Variants in PZP observed in about 807,000 individuals in gnomAD.
PZP encodes the protein PZP alpha-2-macroglobulin like.
A neutral mutation model predicts 179.8 loss-of-function variants in PZP; 150 were observed. The observed-to-expected ratio is 0.83, with a 90% CI of 0.73 to 0.96. The LOEUF (loss-of-function observed/expected upper bound fraction) is 0.96. PZP is among the 40% of genes least tolerant of loss of function. The pLI is 0.00. For synonymous variants in PZP, 624 were observed against 652.3 expected (o/e 0.96, Z 0.66); for missense variants, 1,689 against 1,764.0 (o/e 0.96, Z 0.76).
At chr12:9,176,310 G>T (rs1942359064) in intron 15 of PZP, among the ~76,000 whole-genome samples, 1 of 152,144 alleles carries the variant, frequency 6.6e-6, no homozygotes. Context: ...GGTAGGGTGT[G>T]GGGAGGGAGA....
intron 13 of PZP, among the ~76,000 whole-genome samples, chr12:9,186,313 G>T (rs1203873730): frequency 6.6e-6 from 1 of 152,166 alleles, no homozygotes; most frequent in East Asian, 1.9e-4. Flanking sequence ...CCACACTGAA[G>T]TACACAGACC....
chr12:9,161,872 C>T (rs1245948857), intron 22 of PZP, among the ~76,000 whole-genome samples: 1 of 152,088 alleles, frequency 6.6e-6, no homozygotes, highest in Non-Finnish European at 1.5e-5. Flanking sequence ...GTAGGAAATG[C>T]TATATGTTTT....
intron 15 of PZP, among the ~76,000 whole-genome samples, chr12:9,179,433 G>A (rs1942611693): frequency 6.6e-6 from 1 of 152,122 alleles, no homozygotes; most frequent in Non-Finnish European, 1.5e-5. Context: ...ATCACGACAT[G>A]CCAAGTGTCA....
chr12:9,186,689 A>C (rs2121039848), intron 13 of PZP, among the ~76,000 whole-genome samples: 1 of 152,308 alleles, frequency 6.6e-6, no homozygotes, highest in South Asian at 2.1e-4. Context: ...GGATGAGTTC[A>C]TGTCCTTTCC....
chr12:9,142,565 AT>A, the PZP span, among the ~76,000 whole-genome samples: 1 of 152,204 alleles, frequency 6.6e-6, no homozygotes, highest in African/African-American at 2.4e-5. Flanking sequence ...AAAATATTTG[AT>A]TTAAGCACTT....
intron 1 of PZP, among the ~76,000 whole-genome samples, chr12:9,207,613 C>A (rs2121270634): frequency 6.6e-6 from 1 of 152,272 alleles, no homozygotes; most frequent in South Asian, 2.1e-4. Context: ...TGCATGCCAG[C>A]AAGTAAGGAG....
At chr12:9,194,521 G>A (rs1943643211) in intron 10 of PZP, among the ~76,000 whole-genome samples, 1 of 141,294 alleles carries the variant, frequency 7.1e-6, no homozygotes, top group Non-Finnish European at 1.5e-5. Flanking sequence ...CTGGAGTGCA[G>A]TGGCGCGATC....
At chr12:9,165,794 A>G (rs2120747405) in intron 18 of PZP, among the ~76,000 whole-genome samples, 1 of 152,356 alleles carries the variant, frequency 6.6e-6, no homozygotes, top group Admixed American at 6.5e-5. Flanking sequence ...ATTAAGCAGT[A>G]TATATAGAAC....
the PZP span, among the ~76,000 whole-genome samples, chr12:9,137,742 A>G: frequency 6.6e-6 from 1 of 151,970 alleles, no homozygotes; most frequent in South Asian, 2.1e-4. Flanking sequence ...ACTTCCTTGG[A>G]AAAGTTTTTC....
intron 23 of PZP, among the ~76,000 whole-genome samples, chr12:9,160,817 A>T (rs1472845923): frequency 7.9e-5 from 12 of 152,030 alleles, no homozygotes; most frequent in Non-Finnish European, 2.9e-5. Flanking sequence ...CGGGAGGCTG[A>T]GGCAGGAGAA....
At chr12:9,183,538 T>A (rs763402831) in intron 13 of PZP, among the ~76,000 whole-genome samples, 1 of 152,296 alleles carries the variant, frequency 6.6e-6, no homozygotes, top group South Asian at 2.1e-4. Flanking sequence ...TAGCTGGGAC[T>A]ATAGGTGCAC....
intron 32 of PZP, 112 bp from the exon 33 acceptor site, chr12:9,151,784 A>G (rs767357665): frequency 3.7e-6 from 3 of 809,250 alleles, no homozygotes; most frequent in East Asian, 2.7e-5. Context: ...AAGAGAAGAA[A>G]GCTAATTGTT....
downstream of PZP, among the ~76,000 whole-genome samples, chr12:9,147,356 A>G (rs1940063087): frequency 6.6e-6 from 1 of 152,208 alleles, no homozygotes; most frequent in South Asian, 2.1e-4. Flanking sequence ...AGATGTGTGA[A>G]GTAACCCCTT....
chr12:9,182,065 A>G lies in PZP; in HGVS notation c.1599T>C (p.Ile533=), dbSNP rs753558320. 1 of 1,613,724 alleles carries G rather than the reference A, an allele frequency of 6.2e-7. No homozygotes were observed. The highest frequency in any genetic ancestry group is 8.5e-7 in the Non-Finnish European group (1 of 1,179,874). Residue 533 remains isoleucine (I), a synonymous_variant, in exon 14 of 36, where the codon ATT becomes ATC. Transcript: ENST00000261336. ...SFPVESDVAP[I]ARMFIFAILP... ...AAATGGCAAAGATGAACATTCGTGC[A>G]ATGGGGGCAACGTCTGACTCCACAG...
chr12:9,197,865 AAT>A (rs1471130988), intron 7 of PZP, among the ~76,000 whole-genome samples: 1 of 119,888 alleles, frequency 8.3e-6, no homozygotes, highest in Non-Finnish European at 1.6e-5. Context: ...AATTATATAT[AAT>A]ATATAATATA....
At chr12:9,185,943 G>A (rs892309571) in intron 13 of PZP, among the ~76,000 whole-genome samples, 1 of 151,738 alleles carries the variant, frequency 6.6e-6, no homozygotes, top group Non-Finnish European at 1.5e-5. Flanking sequence ...GAGTAGCTGG[G>A]ACTACAGGCG....
intron 13 of PZP, among the ~76,000 whole-genome samples, chr12:9,186,610 A>C (rs937841070): frequency 6.6e-6 from 1 of 151,772 alleles, no homozygotes; most frequent in Non-Finnish European, 1.5e-5. Context: ...CCACATGCCC[A>C]TCAATGATAG....
At chr12:9,163,427 T>C (rs1241388628) in intron 21 of PZP, among the ~76,000 whole-genome samples, 1 of 151,224 alleles carries the variant, frequency 6.6e-6, no homozygotes, top group African/African-American at 2.4e-5. Flanking sequence ...CACTTCAGCC[T>C]GTGCAACAGA....
At chr12:9,192,782 T>A in intron 11 of PZP, 43 bp from the exon 12 acceptor site, 1 of 1,385,990 alleles carries the variant, frequency 7.2e-7, no homozygotes, top group Non-Finnish European at 1.0e-6. Context: ...GTCTTGAAAT[T>A]CTTCACCTTA....
Sources: allele counts gnomAD v4.1 joint callset (sites outside exome capture counted in the v4.1 genomes callset), GRCh38; gene constraint gnomAD v4.1.1; transcripts MANE v1.5; gene names NCBI Gene and HGNC (gene_info 2026-07-23, HGNC 2026-07-21).